Variants in ARPP21 observed in about 807,000 individuals in gnomAD.
The protein encoded by ARPP21 is cAMP regulated phosphoprotein 21.
In ARPP21, 69 loss-of-function variants were observed where a neutral mutation model predicts 113.2. The observed-to-expected ratio is 0.61, with a 90% CI of 0.50 to 0.74. The LOEUF is 0.74. ARPP21 is among the 30% of genes least tolerant of loss of function. ARPP21 has a pLI of 0.00. For synonymous variants in ARPP21, 368 were observed against 375.5 expected, an observed-to-expected ratio of 0.98 and a Z score of 0.23; for missense variants, 1,070 against 1,037.4, an observed-to-expected ratio of 1.03 and a Z score of -0.43.
chr3:35,663,379 G>A (rs1043860821), intron 1 of ARPP21, among the ~76,000 whole-genome samples: 1 of 152,138 alleles, frequency 6.6e-6, no homozygotes, highest in African/African-American at 2.4e-5. Context: ...CTGAAGCCCA[G>A]TCTGGGCGCA....
chr3:35,656,527 C>A (rs1187630959), intron 1 of ARPP21, among the ~76,000 whole-genome samples: 2 of 151,928 alleles, frequency 1.3e-5, no homozygotes, highest in African/African-American at 2.4e-5. Context: ...GGATGGGTCT[C>A]AAGGGAATTA....
intron 7 of ARPP21, among the ~76,000 whole-genome samples, chr3:35,689,740 T>C (rs1470232697): frequency 6.6e-6 from 1 of 151,682 alleles, no homozygotes; most frequent in Non-Finnish European, 1.5e-5. Context: ...ATACTTGGCC[T>C]TCGTTTTGTT....
At chr3:35,715,945 A>G (rs1050665910) in intron 12 of ARPP21, 1 of 152,462 alleles carries the variant, frequency 6.6e-6, no homozygotes, top group African/African-American at 2.4e-5. Context: ...ATTCTAAACA[A>G]TCTATTTTTC....
At chr3:35,702,824 A>G (rs1296336464) in intron 9 of ARPP21, among the ~76,000 whole-genome samples, 2 of 151,874 alleles carry the variant, frequency 1.3e-5, no homozygotes, top group African/African-American at 4.8e-5. Context: ...AAAAAGAAGA[A>G]CTAAGACTTT....
At chr3:35,661,615 G>A (rs747889702) in intron 1 of ARPP21, among the ~76,000 whole-genome samples, 23 of 152,186 alleles carry the variant, frequency 1.5e-4, no homozygotes, top group Non-Finnish European at 2.5e-4. Flanking sequence ...TCTTATGACC[G>A]GCTATAAAAT....
intron 1 of ARPP21, among the ~76,000 whole-genome samples, chr3:35,648,564 A>G (rs1423289916): frequency 6.6e-6 from 1 of 152,138 alleles, no homozygotes; most frequent in African/African-American, 2.4e-5. Context: ...AGCTGTTTGG[A>G]CAGGGCCGCT....
At chr3:35,681,176 T>C (rs1476078563) in intron 2 of ARPP21, 1 of 151,892 alleles carries the variant, frequency 6.6e-6, no homozygotes, top group Non-Finnish European at 1.5e-5. Context: ...CAAAGGTTTA[T>C]TGCCAAAATT....
intron 14 of ARPP21, among the ~76,000 whole-genome samples, chr3:35,728,958 C>T (rs1380305948): frequency 6.6e-6 from 1 of 152,114 alleles, no homozygotes; most frequent in Non-Finnish European, 1.5e-5. Context: ...TTCCATGGTA[C>T]TAACTACTTG....
In ARPP21 at chr3:35,719,238, A is replaced by G. The variant is rs376787242; in HGVS notation, c.995+1881A>G. Among the ~76,000 whole-genome samples the G allele has an allele frequency of 4.6e-5, 7 of 152,224 alleles. No individual in the cohort carries two copies. In the East Asian group the frequency reaches 5.8e-4, roughly 13 times the overall value. ...AACACTGTTAAGATGATAGTGCAAT[A>G]TAAAATAGAGGAGTACAAAATATAT... On this transcript the variant is annotated intron_variant, in intron 13 of 20. Coordinates refer to ENST00000684406, the MANE Select transcript of ARPP21 (RefSeq NM_001385562.1).
At chr3:35,714,464 C>T (rs1174764008) in intron 11 of ARPP21, among the ~76,000 whole-genome samples, 2 of 152,046 alleles carry the variant, frequency 1.3e-5, no homozygotes, top group Non-Finnish European at 2.9e-5. Flanking sequence ...TAAAATTGAC[C>T]TGTTAAGTCT....
intron 1 of ARPP21, among the ~76,000 whole-genome samples, chr3:35,651,200 A>T (rs1047031836): frequency 6.6e-6 from 1 of 152,096 alleles, no homozygotes; most frequent in Admixed American, 6.6e-5. Flanking sequence ...AAAGAAAAAG[A>T]TGCATTATTT....
At position 35,667,885 on chromosome 3, in the gene ARPP21, A is replaced by AGAAGAGGAAGAGGAAGAG. The variant is rs1553645947; in HGVS notation, c.-212-11891_-212-11874dup. ...AAGAAGAAGAAGAAGAAGAAGAAGA[A>AGAAGAGGAAGAGGAAGAG]GAAGAGGAAGAGGAAGAGGAAGAGG... is the stretch of plus-strand genomic sequence containing the variant. On this transcript the variant is annotated intron_variant, in intron 1 of 20. Coordinates refer to ENST00000684406, the MANE Select transcript of ARPP21 (RefSeq NM_001385562.1). Among the ~76,000 whole-genome samples, 4 of 97,698 alleles carry AGAAGAGGAAGAGGAAGAG rather than the reference A, an allele frequency of 4.1e-5. No homozygotes were observed. In the East Asian group the frequency reaches 8.0e-4, roughly 20 times the overall value. The allele number at this position is 97,698 out of a possible 152,430, so 64.1% of individuals were successfully genotyped here.
intron 18 of ARPP21, among the ~76,000 whole-genome samples, chr3:35,741,813 T>C (rs1185889998): frequency 6.6e-6 from 1 of 152,190 alleles, no homozygotes; most frequent in Non-Finnish European, 1.5e-5. Flanking sequence ...AAAAGATTGC[T>C]GTTAACCTGG....
intron 11 of ARPP21, among the ~76,000 whole-genome samples, chr3:35,711,342 C>G (rs2091053293): frequency 6.6e-6 from 1 of 152,090 alleles, no homozygotes; most frequent in African/African-American, 2.4e-5. Context: ...AAGAAATGGT[C>G]CCTATTGTAT....
At chr3:35,705,646 C>T (rs1361361562) in intron 9 of ARPP21, among the ~76,000 whole-genome samples, 2 of 152,088 alleles carry the variant, frequency 1.3e-5, no homozygotes, top group Non-Finnish European at 2.9e-5. Context: ...TGGGCAAATT[C>T]ATAAACGTGA....
chr3:35,764,661 T>G (rs2095894625), intron 19 of ARPP21, among the ~76,000 whole-genome samples: 1 of 152,126 alleles, frequency 6.6e-6, no homozygotes, highest in Non-Finnish European at 1.5e-5. Context: ...ACAAAAGAGA[T>G]TACTAAGGAC....
chr3:35,737,022 G>GTAA (rs1416226512), intron 15 of ARPP21, among the ~76,000 whole-genome samples, 156 bp from the exon 16 acceptor site: 2 of 152,230 alleles, frequency 1.3e-5, no homozygotes, highest in East Asian at 3.8e-4. Context: ...GTCACAAACA[G>GTAA]TAAGGTCTTC....
chr3:35,673,095 A>G (rs973451339), intron 1 of ARPP21, among the ~76,000 whole-genome samples: 25 of 152,092 alleles, frequency 1.6e-4, no homozygotes, highest in Admixed American at 6.6e-4. Context: ...TCTTGCAGAA[A>G]GAGAATGCTA....
chr3:35,694,660 C>T (rs769530824), intron 9 of ARPP21, among the ~76,000 whole-genome samples: 3 of 150,518 alleles, frequency 2.0e-5, no homozygotes, highest in Non-Finnish European at 4.4e-5. Context: ...GCAAAAATAC[C>T]CAGAAATTAT....
Sources: gnomAD v4.1 joint callset for allele counts (sites outside exome capture counted in the v4.1 genomes callset) on GRCh38, gnomAD v4.1.1 for gene constraint, MANE v1.5 for transcripts, NCBI Gene and HGNC (gene_info 2026-07-23, HGNC 2026-07-21) for gene names.